TMEM114: variants seen among roughly 807,000 people sequenced by gnomAD.
TMEM114 encodes transmembrane protein 114.
A neutral mutation model predicts 6.2 loss-of-function variants in TMEM114; 6 were observed. The ratio of observed to expected loss-of-function variants is 0.97; its 90% CI spans 0.53 to 1.91. The LOEUF (loss-of-function observed/expected upper bound fraction) is 1.91, where lower values mean the gene tolerates loss of function less well. Among genes scored for constraint, TMEM114 ranks in the 40% most tolerant of loss-of-function variants. The pLI, the probability that TMEM114 is intolerant of heterozygous loss-of-function variation, is 0.01. For missense variants in TMEM114, 218 were observed against 158.3 expected, an observed-to-expected ratio of 1.38 and a Z score of -2.02; for synonymous variants, 104 against 73.0, an observed-to-expected ratio of 1.42 and a Z score of -2.16.
At chr16:8,568,083 C>T (rs939981048), downstream of TMEM114, among the ~76,000 whole-genome samples, 2 of 152,304 alleles carry the variant, frequency 1.3e-5, no homozygotes, top group South Asian at 2.1e-4. Context: ...CTGAAGTTTA[C>T]TCCCAGTTGC....
At chr16:8,556,321 T>C (rs750475183) in intron 2 of TMEM114, among the ~76,000 whole-genome samples, 1 of 152,112 alleles carries the variant, frequency 6.6e-6, no homozygotes, top group Non-Finnish European at 1.5e-5. Context: ...GGCACAAAAG[T>C]ATCGCCTCCT....
intron 2 of TMEM114, among the ~76,000 whole-genome samples, chr16:8,548,694 G>GTA (rs141212101): frequency 4.3e-5 from 6 of 139,928 alleles, no homozygotes; most frequent in African/African-American, 8.5e-5. Flanking sequence ...AAATTGCCAT[G>GTA]TATATATATA....
chr16:8,569,873 A>G lies in TMEM114; in HGVS notation c.572T>C (p.Leu191Pro). 1 of 1,551,136 alleles carries G rather than the reference A, an allele frequency of 6.4e-7. No homozygotes were observed. Among genetic ancestry groups the G allele is most frequent in the Middle Eastern group, 1.7e-4 (1 of 5,992 alleles). The stretch of plus-strand genomic sequence containing the variant: ...CTCGGCGATGAAGCTGATCCAGCCC[A>G]GGGCCAGGGACCAGCCGAAGCTGAT... Reference protein sequence around the residue: ...VDISFGWSLALGWISFIAELL... With the variant: ...VDISFGWSLAPGWISFIAELL... Residue 191 changes from leucine (L) to proline (P), a missense_variant, in exon 4 of 4, where the codon CTG becomes CCG. By Grantham distance (98) the Leu-to-Pro change is moderately conservative. Transcript: ENST00000620492.
At position 8,572,234 on chromosome 16, in the gene TMEM114, G is replaced by C. The variant is rs369564473; in HGVS notation, c.302-10C>G. 2.7e-5 allele frequency: 42 copies of C among 1,551,578 alleles called. No individual in the cohort carries two copies. In the African/African-American group the frequency reaches 4.1e-4, roughly 15 times the overall value. ...AATGTCCCATGCATGGCTTAGAAGA[G>C]ACAGAGAGGATACCAGGCAGAGGAC... On this transcript the variant is annotated splice_polypyrimidine_tract_variant and intron_variant, in intron 2 of 3. Coordinates refer to ENST00000620492, the MANE Select transcript of TMEM114 (RefSeq NM_001146336.2).
At chr16:8,531,577 A>T in the TMEM114 span, among the ~76,000 whole-genome samples, 5 of 152,206 alleles carry the variant, frequency 3.3e-5, no homozygotes, top group Admixed American at 6.5e-5. Context: ...GCAGAAGTTT[A>T]TTTAACCTTC....
chr16:8,544,709 C>T (rs1415751265), intron 2 of TMEM114, among the ~76,000 whole-genome samples: 3 of 152,160 alleles, frequency 2.0e-5, no homozygotes, highest in Admixed American at 1.3e-4. Flanking sequence ...GCAGTAGTCT[C>T]AGTGCAAATT....
intron 2 of TMEM114, among the ~76,000 whole-genome samples, chr16:8,562,548 G>GTGAGTGAGTGAATGAGTGAGTGAGTGAA (rs1901286300): frequency 1.4e-5 from 2 of 145,588 alleles, no homozygotes; most frequent in African/African-American, 2.5e-5. Context: ...GAGTGAATGA[G>GTGAGTGAGTGAATGAGTGAGTGAGTGAA]TGAGTGCGTC....
intron 2 of TMEM114, among the ~76,000 whole-genome samples, chr16:8,576,303 C>T (rs1901926980): frequency 6.6e-6 from 1 of 152,204 alleles, no homozygotes; most frequent in Admixed American, 6.5e-5. Flanking sequence ...AACAAACCTC[C>T]ACATCCTCAG....
chr16:8,556,600 C>T (rs1234384411), intron 2 of TMEM114, among the ~76,000 whole-genome samples: 1 of 152,074 alleles, frequency 6.6e-6, no homozygotes, highest in Non-Finnish European at 1.5e-5. Context: ...CTCCCGAGAT[C>T]AAGTGATTCT....
chr16:8,543,576 A>G (rs1309984232), intron 2 of TMEM114, among the ~76,000 whole-genome samples: 1 of 151,854 alleles, frequency 6.6e-6, no homozygotes, highest in Non-Finnish European at 1.5e-5. Context: ...GGCCAACCCA[A>G]CTCATTCTTT....
chr16:8,539,642 C>T (rs951896939), intron 2 of TMEM114, among the ~76,000 whole-genome samples: 17 of 152,116 alleles, frequency 1.1e-4, no homozygotes, highest in Non-Finnish European at 2.5e-4. Context: ...ACTCTGCGTG[C>T]AACTGGCCCA....
At chr16:8,582,075 G>A (rs543343233) in intron 2 of TMEM114, among the ~76,000 whole-genome samples, 1 of 152,196 alleles carries the variant, frequency 6.6e-6, no homozygotes, top group African/African-American at 2.4e-5. Context: ...CACTGCAACA[G>A]CCCAGCACCC....
chr16:8,552,637 G>C (rs944487941), intron 2 of TMEM114, among the ~76,000 whole-genome samples: 12 of 151,846 alleles, frequency 7.9e-5, no homozygotes, highest in African/African-American at 2.9e-4. Context: ...GATAAGTGAA[G>C]GGTTCAAGGT....
downstream of TMEM114, among the ~76,000 whole-genome samples, chr16:8,568,818 G>C (rs538843965): frequency 6.6e-6 from 1 of 152,324 alleles, no homozygotes; most frequent in South Asian, 2.1e-4. Context: ...ACCAGCCCTA[G>C]AGAATATCAG....
intron 2 of TMEM114, among the ~76,000 whole-genome samples, chr16:8,541,103 G>C (rs1023894255): frequency 1.3e-5 from 2 of 152,138 alleles, no homozygotes; most frequent in Non-Finnish European, 2.9e-5. Context: ...CACAAATAGA[G>C]TGGCAGCAAT....
intron 2 of TMEM114, among the ~76,000 whole-genome samples, chr16:8,543,215 G>C (rs1006083203): frequency 1.3e-5 from 2 of 152,180 alleles, no homozygotes; most frequent in Non-Finnish European, 2.9e-5. Flanking sequence ...GGGGACTAAG[G>C]AGAGACGGCA....
chr16:8,550,835 T>G (rs9936294), intron 2 of TMEM114, among the ~76,000 whole-genome samples: 1 of 151,868 alleles, frequency 6.6e-6, no homozygotes, highest in Admixed American at 6.6e-5. Flanking sequence ...CATCCCCTTC[T>G]TCACCCTGTG....
chr16:8,580,466 G>A (rs1429409909), intron 2 of TMEM114, among the ~76,000 whole-genome samples: 53 of 148,024 alleles, frequency 3.6e-4, no homozygotes, highest in African/African-American at 1.2e-3. Context: ...CATCCTGGGC[G>A]ACAGAGAGTG....
intron 2 of TMEM114, among the ~76,000 whole-genome samples, chr16:8,548,828 A>G: frequency 6.6e-6 from 1 of 152,188 alleles, no homozygotes; most frequent in Non-Finnish European, 1.5e-5. Flanking sequence ...AAAGAAATAA[A>G]GCATCTTCCA....
Sources: gnomAD v4.1 joint callset for allele counts (sites outside exome capture counted in the v4.1 genomes callset) on GRCh38, gnomAD v4.1.1 for gene constraint, MANE v1.5 for transcripts, NCBI Gene and HGNC (gene_info 2026-07-23, HGNC 2026-07-21) for gene names.